Variants in EFCAB13 observed in about 807,000 individuals in gnomAD.
The protein encoded by EFCAB13 is EF-hand calcium-binding domain-containing protein 13.
A neutral mutation model predicts 110.2 loss-of-function variants in EFCAB13; 91 were observed. The ratio of observed to expected loss-of-function variants is 0.83; its 90% CI spans 0.70 to 0.98. The LOEUF is 0.98. Among genes scored for constraint, EFCAB13 ranks in the 50% least tolerant of loss-of-function variants. EFCAB13 has a pLI of 0.00. For missense variants in EFCAB13, 968 were observed against 1,119.4 expected (o/e 0.86, Z 1.93); for synonymous variants, 323 against 369.9 (o/e 0.87, Z 1.45).
chr17:47,346,217 C>T (rs2065414941), intron 8 of EFCAB13, among the ~76,000 whole-genome samples: 1 of 152,092 alleles, frequency 6.6e-6, no homozygotes, highest in African/African-American at 2.4e-5. Context: ...CCTCATACCC[C>T]CTGCTCCAGG....
chr17:47,423,436 C>G (rs1904793276), intron 23 of EFCAB13: 1 of 192,626 alleles, frequency 5.2e-6, no homozygotes, highest in Non-Finnish European at 1.1e-5. Flanking sequence ...CGGCTGCGCC[C>G]GCGGCCCGGG....
chr17:47,436,891 G>C (rs1366739131), intron 24 of EFCAB13, among the ~76,000 whole-genome samples: 2 of 151,488 alleles, frequency 1.3e-5, no homozygotes, highest in African/African-American at 4.8e-5. Flanking sequence ...CAGTCTTTTT[G>C]ATGTAGGCTA....
At chr17:47,414,146 T>C (rs1350241692) in intron 22 of EFCAB13, among the ~76,000 whole-genome samples, 2 of 152,214 alleles carry the variant, frequency 1.3e-5, no homozygotes, top group African/African-American at 4.8e-5. Context: ...AGGTCTGCCA[T>C]TTTGTTTAAA....
Position 47,440,604 on chromosome 17 carries a change from A to C in EFCAB13, c.2812A>C (p.Ser938Arg), listed in dbSNP as rs1397026300. Reference protein sequence around the residue: ...IQDSIVKAQVSKKQYNMNIKQ... With the variant: ...IQDSIVKAQVRKKQYNMNIKQ... ...GGATTCGATAGTTAAAGCACAGGTA[A>C]GTAAGAAGCAATACAATATGAATAT... is the stretch of plus-strand genomic sequence containing the variant. The change falls in exon 25 of 25, where the codon AGT becomes CGT. Residue 938 changes from serine (S) to arginine (R), a missense_variant. Ser to Arg is a moderately radical substitution (Grantham distance 110). Coordinates refer to ENST00000331493, the MANE Select transcript of EFCAB13 (RefSeq NM_152347.5). 6.2e-7 allele frequency: 1 copy of C among 1,612,942 alleles called. No individual in the cohort carries two copies. The highest frequency in any genetic ancestry group is 8.5e-7 in the Non-Finnish European group (1 of 1,179,518).
chr17:47,348,841 T>C (rs2065432539), intron 9 of EFCAB13, among the ~76,000 whole-genome samples: 3 of 152,212 alleles, frequency 2.0e-5, no homozygotes, highest in African/African-American at 7.2e-5. Flanking sequence ...CGTAGATATT[T>C]TATTCCATTC....
chr17:47,410,960 G>A (rs1054535634), intron 21 of EFCAB13, among the ~76,000 whole-genome samples: 9 of 151,952 alleles, frequency 5.9e-5, no homozygotes, highest in African/African-American at 9.7e-5. Context: ...TTCTGTTTTC[G>A]ATTATTTGAT....
intron 22 of EFCAB13, among the ~76,000 whole-genome samples, chr17:47,414,255 G>A (rs781145328): frequency 1.7e-4 from 25 of 148,838 alleles, no homozygotes; most frequent in Middle Eastern, 3.4e-3. Flanking sequence ...GTGTGTGCAC[G>A]TGCGTGTGTG....
chr17:47,428,339 G>A (rs763912767), intron 23 of EFCAB13, among the ~76,000 whole-genome samples: 1 of 151,892 alleles, frequency 6.6e-6, no homozygotes, highest in Non-Finnish European at 1.5e-5. Context: ...TTTTACTGAA[G>A]CACATTTTGC....
At chr17:47,341,405 T>C (rs2065383945) in intron 5 of EFCAB13, 1 of 153,432 alleles carries the variant, frequency 6.5e-6, no homozygotes, top group Non-Finnish European at 1.4e-5. Flanking sequence ...AGTCTTGCTG[T>C]GTCACCCAGG....
chr17:47,371,525 G>T (rs1335420885), intron 11 of EFCAB13, among the ~76,000 whole-genome samples: 2 of 152,064 alleles, frequency 1.3e-5, no homozygotes, highest in African/African-American at 2.4e-5. Context: ...TGTTGGCTTT[G>T]TTGCTTTGTT....
chr17:47,414,772 G>A (rs577561491), intron 22 of EFCAB13, 76 bp from the exon 23 acceptor site: 95 of 921,486 alleles, frequency 1.0e-4, no homozygotes, highest in Middle Eastern at 6.4e-4. Context: ...GCTAACTATT[G>A]TAAATCGGTC....
chr17:47,383,080 T>G (rs2065656015), intron 14 of EFCAB13, among the ~76,000 whole-genome samples: 1 of 152,198 alleles, frequency 6.6e-6, no homozygotes, highest in African/African-American at 2.4e-5. Context: ...TAGAGGTGCT[T>G]ATAGTATTCT....
chr17:47,407,250 T>C (rs890166516), intron 20 of EFCAB13, among the ~76,000 whole-genome samples: 1 of 152,210 alleles, frequency 6.6e-6, no homozygotes, highest in African/African-American at 2.4e-5. Flanking sequence ...AACCCAGACA[T>C]TTAACAAATC....
At chr17:47,347,342 C>T (rs1249296129) in intron 8 of EFCAB13, among the ~76,000 whole-genome samples, 1 of 152,070 alleles carries the variant, frequency 6.6e-6, no homozygotes, top group Non-Finnish European at 1.5e-5. Context: ...AGTGTAGTAT[C>T]CACTGAACCA....
chr17:47,426,173 T>C (rs10514928), intron 23 of EFCAB13, among the ~76,000 whole-genome samples: 9,301 of 152,228 alleles, frequency 0.061, 310 homozygotes, highest in East Asian at 0.11. Flanking sequence ...AAACTGAAGA[T>C]GGACTCTATT....
chr17:47,361,157 G>GTTAT (rs1299870589), intron 9 of EFCAB13, among the ~76,000 whole-genome samples: 2 of 152,094 alleles, frequency 1.3e-5, no homozygotes, highest in Non-Finnish European at 2.9e-5. Flanking sequence ...GCTAAGGATT[G>GTTAT]TTAACATAAG....
chr17:47,351,903 T>TG (rs1251751836), intron 9 of EFCAB13, among the ~76,000 whole-genome samples: 8 of 147,846 alleles, frequency 5.4e-5, no homozygotes, highest in African/African-American at 2.0e-4. Context: ...CATGTAGTTT[T>TG]TTTTTTTTTT....
At chr17:47,338,878 T>C (rs548242354) in intron 5 of EFCAB13, among the ~76,000 whole-genome samples, 2 of 150,880 alleles carry the variant, frequency 1.3e-5, no homozygotes, top group Non-Finnish European at 3.0e-5. Flanking sequence ...ATACTTTTTC[T>C]TGGAGAAATA....
Position 47,403,893 on chromosome 17 carries a change from T to C in EFCAB13, c.2033T>C (p.Val678Ala). The C allele has an allele frequency of 4.4e-6, 7 of 1,606,288 alleles. No homozygotes were observed. The highest frequency in any genetic ancestry group is 5.9e-6 in the Non-Finnish European group (7 of 1,177,192). Residue 678 changes from valine (V) to alanine (A), a missense_variant, in exon 19 of 25, where the codon GTC becomes GCC. Transcript: ENST00000331493. ...CTATTTATAGAGTTACAGGAAGTTG[T>C]CTTAGCTGCTGATTTGCTGGAAGGT... ...AARLEELQEV[V>A]LAADLLEGDM...
Sources: allele counts gnomAD v4.1 joint callset (sites outside exome capture counted in the v4.1 genomes callset), GRCh38; gene constraint gnomAD v4.1.1; transcripts MANE v1.5; gene names NCBI Gene and HGNC (gene_info 2026-07-23, HGNC 2026-07-21).